MLIP: variants seen among roughly 807,000 people sequenced by gnomAD.
MLIP encodes the protein muscular LMNA-interacting protein.
Under a neutral mutation model 84.8 loss-of-function variants are expected in MLIP, and 79 were observed. The ratio of observed to expected loss-of-function variants is 0.93; its 90% CI spans 0.78 to 1.12. The LOEUF (loss-of-function observed/expected upper bound fraction) is 1.12. MLIP is among the 50% of genes most tolerant of loss of function. MLIP has a pLI of 0.00. For missense variants in MLIP, 1,257 were observed against 1,160.6 expected (o/e 1.08, Z -1.21); for synonymous variants, 504 against 463.0 (o/e 1.09, Z -1.14).
chr6:54,152,154 A>G (rs1773517484), intron 5 of MLIP, among the ~76,000 whole-genome samples: 1 of 152,136 alleles, frequency 6.6e-6, no homozygotes. Flanking sequence ...TGGCTTCATC[A>G]GGGTCCTTGG....
At chr6:54,076,201 A>G (rs1766795098) in intron 1 of MLIP, among the ~76,000 whole-genome samples, 1 of 152,198 alleles carries the variant, frequency 6.6e-6, no homozygotes, top group African/African-American at 2.4e-5. Context: ...GCCGAAATCA[A>G]TAGATGTGCC....
At chr6:54,041,695 A>G (rs983763022) in intron 1 of MLIP, among the ~76,000 whole-genome samples, 4 of 152,036 alleles carry the variant, frequency 2.6e-5, no homozygotes, top group African/African-American at 9.7e-5. Context: ...GCATCTTTTC[A>G]TGTGCAGACT....
Position 54,266,059 on chromosome 6 carries a change from TC to T in MLIP, c.*107del. Reference sequence around the variant, plus strand: ...TTTTTTTTTTTTCCAGAATGAGTGCTCCCTTTATGAGCTGCAGTGCAGCAGA... The same window carrying T: ...TTTTTTTTTTTTCCAGAATGAGTGCTCCTTTATGAGCTGCAGTGCAGCAGA... On this transcript the variant is annotated 3_prime_UTR_variant, in exon 14 of 14. Transcript: ENST00000502396. 2 of 1,172,796 alleles carry T rather than the reference TC, an allele frequency of 1.7e-6. No individual in the cohort carries two copies. Among genetic ancestry groups the T allele is most frequent in the Non-Finnish European group, 2.5e-6 (2 of 803,700 alleles). 72.6% of individuals were successfully genotyped at this position (1,172,796 alleles called of 1,614,324 possible). A position where few individuals can be genotyped will look rare whatever the true frequency, so the allele number is the denominator to read the frequency against.
At chr6:54,150,563 AG>A (rs1316405652) in intron 5 of MLIP, among the ~76,000 whole-genome samples, 4 of 152,202 alleles carry the variant, frequency 2.6e-5, no homozygotes, top group Non-Finnish European at 5.9e-5. Flanking sequence ...ATCAGCAGTG[AG>A]GCAAAGAGGA....
At position 54,027,406 on chromosome 6, in the gene MLIP, CACACACACACACACAT is replaced by C. The variant is rs1446644694; in HGVS notation, c.63+8317_63+8332del. Among the ~76,000 whole-genome samples, 373 of 124,626 alleles carry C rather than the reference CACACACACACACACAT, an allele frequency of 3.0e-3. 3 individuals carry two copies. Among genetic ancestry groups the C allele is most frequent in the African/African-American group, 0.01 (348 of 33,364 alleles). The allele number at this position is 124,626 out of a possible 152,430, so 81.8% of individuals were successfully genotyped here. ...ACACACACACACACACACACACACA[CACACACACACACACAT>C]ATATACATAAAATCTGTGTGTTAAA... On this transcript the variant is annotated intron_variant, in intron 1 of 12. Coordinates refer to the MLIP transcript ENST00000274897.
intron 11 of MLIP, among the ~76,000 whole-genome samples, chr6:54,222,748 G>A (rs533969025): frequency 5.9e-5 from 9 of 152,080 alleles, no homozygotes; most frequent in South Asian, 4.1e-4. Context: ...AAGTGGGATC[G>A]ATGCATTTTT....
chr6:54,183,115 T>C (rs1311363781), intron 9 of MLIP, among the ~76,000 whole-genome samples: 1 of 151,846 alleles, frequency 6.6e-6, no homozygotes, highest in Non-Finnish European at 1.5e-5. Context: ...CAAATAAAGG[T>C]CATCCCAATT....
At chr6:54,243,142 A>G (rs1053493569) in intron 12 of MLIP, among the ~76,000 whole-genome samples, 1 of 152,180 alleles carries the variant, frequency 6.6e-6, no homozygotes, top group Non-Finnish European at 1.5e-5. Context: ...CATGCAAAAG[A>G]CATTTGGGCA....
intron 4 of MLIP, among the ~76,000 whole-genome samples, chr6:54,143,805 T>C (rs1236408084): frequency 6.6e-6 from 1 of 152,172 alleles, no homozygotes; most frequent in Non-Finnish European, 1.5e-5. Context: ...TCAACAAATA[T>C]TTGCTGAACA....
intron 12 of MLIP, among the ~76,000 whole-genome samples, chr6:54,249,157 T>C (rs573049738): frequency 1.3e-5 from 2 of 151,924 alleles, no homozygotes; most frequent in Admixed American, 1.3e-4. Context: ...AATCAATAGA[T>C]TTTTTTGCTT....
intron 1 of MLIP, chr6:54,046,484 TC>T (rs1426990418): frequency 6.6e-6 from 1 of 152,174 alleles, no homozygotes; most frequent in Non-Finnish European, 1.5e-5. Context: ...TCAAACTGTA[TC>T]TTTTCTTAAT....
At chr6:54,153,710 G>A (rs1251599799) in intron 5 of MLIP, among the ~76,000 whole-genome samples, 1 of 151,828 alleles carries the variant, frequency 6.6e-6, no homozygotes, top group Non-Finnish European at 1.5e-5. Flanking sequence ...AATTTAACTG[G>A]GTATGGTGGC....
At chr6:54,094,986 T>C (rs1209581685) in intron 1 of MLIP, among the ~76,000 whole-genome samples, 2 of 152,156 alleles carry the variant, frequency 1.3e-5, no homozygotes, top group African/African-American at 4.8e-5. Flanking sequence ...ACTCAAGTGA[T>C]GATTTACAAA....
chr6:54,116,611 C>T (rs912992398), intron 1 of MLIP, among the ~76,000 whole-genome samples: 2 of 152,146 alleles, frequency 1.3e-5, no homozygotes, highest in African/African-American at 2.4e-5. Flanking sequence ...AAAATATCTC[C>T]ATTGAAGAAA....
chr6:54,043,451 A>T (rs1385475001), intron 1 of MLIP: 2 of 152,152 alleles, frequency 1.3e-5, no homozygotes, highest in Non-Finnish European at 2.9e-5. Flanking sequence ...TCATCTATGT[A>T]ATTTCTCTTG....
At chr6:54,221,411 G>A (rs548812492) in intron 11 of MLIP, among the ~76,000 whole-genome samples, 1 of 152,180 alleles carries the variant, frequency 6.6e-6, no homozygotes, top group African/African-American at 2.4e-5. Context: ...AAAACAAAGT[G>A]TAGTGAACAG....
chr6:54,185,335 A>G (rs1777282679), intron 9 of MLIP, among the ~76,000 whole-genome samples: 1 of 152,300 alleles, frequency 6.6e-6, no homozygotes, highest in Non-Finnish European at 1.5e-5. Context: ...TGTGGTTTAC[A>G]TTTAATTTTG....
chr6:54,226,066 T>C (rs1449916948), intron 11 of MLIP, among the ~76,000 whole-genome samples: 2 of 152,222 alleles, frequency 1.3e-5, no homozygotes, highest in African/African-American at 4.8e-5. Flanking sequence ...GATTTGGAGG[T>C]GCTTGATACC....
intron 1 of MLIP, among the ~76,000 whole-genome samples, chr6:54,088,821 C>A (rs1010519952): frequency 6.6e-6 from 1 of 152,000 alleles, no homozygotes; most frequent in Non-Finnish European, 1.5e-5. Context: ...CATTTGTCCA[C>A]CAGCACATAT....
Sources: gnomAD v4.1 joint callset for allele counts (sites outside exome capture counted in the v4.1 genomes callset) on GRCh38, gnomAD v4.1.1 for gene constraint, MANE v1.5 for transcripts, NCBI Gene and HGNC (gene_info 2026-07-23, HGNC 2026-07-21) for gene names.